GCNT1: variants seen among roughly 807,000 people sequenced by gnomAD.
GCNT1 encodes the protein glucosaminyl (N-acetyl) transferase 1, also known as beta-1,3-galactosyl-O-glycosyl-glycoprotein beta-1,6-N-acetylglucosaminyltransferase.
Under a neutral mutation model 26.2 loss-of-function variants are expected in GCNT1, and 16 were observed. The ratio of observed to expected loss-of-function variants is 0.61; its 90% confidence interval spans 0.41 to 0.93. GCNT1 has a LOEUF of 0.93. Ranked by LOEUF, GCNT1 falls within the 40% of genes least tolerant of loss-of-function variation. The pLI is 0.00. For synonymous variants in GCNT1, 183 were observed against 190.8 expected (o/e 0.96, Z 0.34); for missense variants, 477 against 526.7 (o/e 0.91, Z 0.92).
intron 2 of GCNT1, among the ~76,000 whole-genome samples, chr9:76,484,234 A>C (rs1190985863): frequency 6.6e-6 from 1 of 152,134 alleles, no homozygotes; most frequent in Non-Finnish European, 1.5e-5. Context: ...CTCTACAAAA[A>C]TAAGCAGCCA....
intron 2 of GCNT1, among the ~76,000 whole-genome samples, chr9:76,475,720 A>G (rs1472623741): frequency 3.9e-5 from 6 of 152,188 alleles, no homozygotes; most frequent in Admixed American, 3.3e-4. Context: ...TTTATTGAGC[A>G]TGTGCTGTGT....
intron 2 of GCNT1, among the ~76,000 whole-genome samples, chr9:76,462,937 C>T (rs528884450): frequency 1.3e-4 from 20 of 152,170 alleles, no homozygotes; most frequent in Admixed American, 5.2e-4. Flanking sequence ...AGGAATTCTA[C>T]GGTAGTTTTA....
At chr9:76,470,814 G>A (rs17062606) in intron 2 of GCNT1, among the ~76,000 whole-genome samples, 15,294 of 151,890 alleles carry the variant, frequency 0.1, 1,203 homozygotes, top group African/African-American at 0.22. Context: ...ATTTGCAGAC[G>A]TCTTCTGGTT....
the GCNT1 span, among the ~76,000 whole-genome samples, chr9:76,404,592 G>A: frequency 2.6e-5 from 4 of 152,262 alleles, no homozygotes; most frequent in South Asian, 2.1e-4. Context: ...TAACTTCAAA[G>A]GTGTGCTTAC....
chr9:76,422,527 G>C (rs1478127526), intron 1 of GCNT1, among the ~76,000 whole-genome samples: 2 of 151,986 alleles, frequency 1.3e-5, no homozygotes, highest in East Asian at 1.9e-4. Flanking sequence ...CAACCATTCT[G>C]GTGTTTTTTG....
chr9:76,454,038 A>C (rs1303283935), intron 1 of GCNT1, among the ~76,000 whole-genome samples: 1 of 152,230 alleles, frequency 6.6e-6, no homozygotes, highest in African/African-American at 2.4e-5. Flanking sequence ...TTGAAAGGTC[A>C]GGCAGAAAAG....
the GCNT1 span, among the ~76,000 whole-genome samples, chr9:76,412,837 C>T: frequency 6.6e-6 from 1 of 152,192 alleles, no homozygotes; most frequent in Non-Finnish European, 1.5e-5. Context: ...CCCTACTGCA[C>T]TGATTGTGCA....
At chr9:76,458,211 C>G (rs1267571563), upstream of GCNT1, among the ~76,000 whole-genome samples, 2 of 106,992 alleles carry the variant, frequency 1.9e-5, no homozygotes, top group Non-Finnish European at 3.4e-5. Flanking sequence ...GAGATGGAGT[C>G]TCGCTCTGTT....
chr9:76,456,517 A>G (rs992936050), upstream of GCNT1, among the ~76,000 whole-genome samples: 2 of 152,160 alleles, frequency 1.3e-5, no homozygotes, highest in Non-Finnish European at 2.9e-5. Flanking sequence ...TGTTACTACA[A>G]TGTTTTTGCC....
chr9:76,446,960 A>G (rs1823586496), intron 1 of GCNT1, among the ~76,000 whole-genome samples: 1 of 152,020 alleles, frequency 6.6e-6, no homozygotes. Context: ...TTTGAGGCCA[A>G]CGTGGCCAAC....
upstream of GCNT1, among the ~76,000 whole-genome samples, chr9:76,455,693 C>T (rs1307479731): frequency 1.3e-5 from 2 of 152,108 alleles, no homozygotes; most frequent in Admixed American, 1.3e-4. Context: ...CCTCCGCCTC[C>T]CAGATTCAAC....
intron 2 of GCNT1, among the ~76,000 whole-genome samples, chr9:76,496,944 GC>G (rs1263740196): frequency 1.5e-4 from 23 of 152,180 alleles, no homozygotes; most frequent in African/African-American, 5.6e-4. Flanking sequence ...TTCAGGACAT[GC>G]CCCAGGTCAG....
In GCNT1 at chr9:76,506,168, TG is replaced by T; in HGVS notation, c.*2502del. On this transcript the variant is annotated 3_prime_UTR_variant, in exon 4 of 4. Coordinates refer to ENST00000376730, the MANE Select transcript of GCNT1 (RefSeq NM_001490.5). Reference sequence around the variant, plus strand: ...GCAGGAGAAGCAAAACCCAAGTGATTGGTGAGAAATATAGAAATTATTTAAA... The same window carrying T: ...GCAGGAGAAGCAAAACCCAAGTGATTGTGAGAAATATAGAAATTATTTAAA... 6.0e-6 allele frequency: 1 copy of T among 167,176 alleles called. No individual in the cohort carries two copies. The highest frequency in any genetic ancestry group is 2.4e-5 in the African/African-American group (1 of 41,576). 10.4% of individuals were successfully genotyped at this position (167,176 alleles called of 1,614,324 possible).
chr9:76,433,590 T>A (rs561518932), intron 1 of GCNT1, among the ~76,000 whole-genome samples: 1 of 152,068 alleles, frequency 6.6e-6, no homozygotes, highest in Non-Finnish European at 1.5e-5. Context: ...ACACACCCCC[T>A]CCTGCCAGGG....
At chr9:76,440,337 C>G (rs560001507), upstream of GCNT1, among the ~76,000 whole-genome samples, 9 of 152,150 alleles carry the variant, frequency 5.9e-5, no homozygotes, top group Non-Finnish European at 1.3e-4. Context: ...AAATTGAAGA[C>G]TTTGTTTGCC....
the GCNT1 span, among the ~76,000 whole-genome samples, chr9:76,407,368 C>T: frequency 6.6e-6 from 1 of 151,946 alleles, no homozygotes; most frequent in East Asian, 1.9e-4. Context: ...ATTTCTTGAA[C>T]ACTCTTGTCC....
At chr9:76,488,496 A>G (rs1388753736) in intron 2 of GCNT1, among the ~76,000 whole-genome samples, 1 of 151,870 alleles carries the variant, frequency 6.6e-6, no homozygotes, top group African/African-American at 2.4e-5. Flanking sequence ...GAGTTTCTCT[A>G]TTTTTGGAGC....
At chr9:76,420,537 T>G (rs2131569811) in intron 1 of GCNT1, 1 of 151,970 alleles carries the variant, frequency 6.6e-6, no homozygotes, top group Middle Eastern at 3.4e-3. Flanking sequence ...AGCCTCCCAT[T>G]TAGCTGGGAT....
chr9:76,394,290 G>T, the GCNT1 span: 1 of 947,042 alleles, frequency 1.1e-6, no homozygotes, highest in South Asian at 1.8e-5. Flanking sequence ...TCTGCCTGCC[G>T]CGGGGGCGCA....
Sources: allele counts gnomAD v4.1 joint callset (sites outside exome capture counted in the v4.1 genomes callset), GRCh38; gene constraint gnomAD v4.1.1; transcripts MANE v1.5; gene names NCBI Gene and HGNC (gene_info 2026-07-23, HGNC 2026-07-21).